Variants in SUSD4 observed in about 807,000 individuals in gnomAD.
SUSD4 encodes the protein sushi domain containing 4, also known as sushi domain-containing protein 4.
A neutral mutation model predicts 50.5 loss-of-function variants in SUSD4; 41 were observed. That is an observed-to-expected ratio of 0.81 (90% confidence interval 0.63 to 1.05). The LOEUF is 1.05. Among genes scored for constraint, SUSD4 ranks in the 50% least tolerant of loss-of-function variants. The probability of loss-of-function intolerance (pLI) is 0.00; values close to 1 mark genes in which losing one functional copy is unlikely to be tolerated. For missense variants in SUSD4, 580 were observed against 634.7 expected (o/e 0.91, Z 0.93); for synonymous variants, 257 against 257.3 (o/e 1.00, Z 0.01).
chr1:223,363,224 C>CTTTCTCCCCTCT (rs973433804), intron 2 of SUSD4, 54 bp downstream of exon 2: 3 of 1,447,830 alleles, frequency 2.1e-6, no homozygotes, highest in Non-Finnish European at 1.8e-6. Context: ...CAGCTAGGCT[C>CTTTCTCCCCTCT]TTTCTCCCCT....
chr1:223,256,225 G>T (rs905391471), intron 5 of SUSD4, among the ~76,000 whole-genome samples: 2 of 152,196 alleles, frequency 1.3e-5, no homozygotes, highest in Admixed American at 1.3e-4. Context: ...TCAATGGGTG[G>T]CTGTGCAGAT....
chr1:223,320,826 T>C (rs1323663553), intron 2 of SUSD4, among the ~76,000 whole-genome samples: 2 of 152,190 alleles, frequency 1.3e-5, no homozygotes, highest in Non-Finnish European at 2.9e-5. Context: ...AGGACCTGGC[T>C]CCACTAACAA....
At chr1:223,298,095 T>A (rs1395477299) in intron 2 of SUSD4, among the ~76,000 whole-genome samples, 2 of 151,688 alleles carry the variant, frequency 1.3e-5, no homozygotes, top group African/African-American at 4.8e-5. Flanking sequence ...GGTGAATAAG[T>A]GGATGGATGG....
chr1:223,274,179 G>A (rs1008073994), intron 3 of SUSD4, among the ~76,000 whole-genome samples: 2 of 152,172 alleles, frequency 1.3e-5, no homozygotes, highest in Non-Finnish European at 2.9e-5. Flanking sequence ...TTCCAGCACA[G>A]CTCAGAGCAC....
intron 7 of SUSD4, among the ~76,000 whole-genome samples, chr1:223,226,110 T>C (rs1001383764): frequency 1.3e-5 from 2 of 152,226 alleles, no homozygotes; most frequent in East Asian, 3.8e-4. Context: ...AATAGCTCTG[T>C]GGGCTCTTTT....
chr1:223,319,976 C>T (rs1467868293), intron 2 of SUSD4, among the ~76,000 whole-genome samples: 1 of 152,136 alleles, frequency 6.6e-6, no homozygotes, highest in African/African-American at 2.4e-5. Flanking sequence ...TACTTTCCTC[C>T]TATGACTCCA....
At position 223,223,342 on chromosome 1, in the gene SUSD4, C is replaced by T; in HGVS notation, c.1351G>A (p.Glu451Lys). ...QSLYSPPRCQ[E>K]STHPASDNPD... ...TTGTCCGAAGCAGGGTGGGTGCTCTCTTGGCACCTGGGAGGTGAATACAGA... is the reference window on the plus strand; with the variant it reads ...TTGTCCGAAGCAGGGTGGGTGCTCTTTTGGCACCTGGGAGGTGAATACAGA... Residue 451 changes from glutamate (E) to lysine (K), a missense_variant, in exon 8 of 9, where the codon GAG becomes AAG. Glu to Lys is a moderately conservative substitution (Grantham distance 56). Transcript: ENST00000366878. 1 of 1,612,190 alleles carries T rather than the reference C, an allele frequency of 6.2e-7. No individual in the cohort carries two copies. The highest frequency in any genetic ancestry group is 1.3e-5 in the African/African-American group (1 of 75,050).
chr1:223,355,063 C>A (rs1668581945), intron 2 of SUSD4, among the ~76,000 whole-genome samples: 1 of 151,648 alleles, frequency 6.6e-6, no homozygotes, highest in Non-Finnish European at 1.5e-5. Flanking sequence ...CAGACACGTG[C>A]CACCACACCC....
chr1:223,292,212 A>G (rs997512284), intron 3 of SUSD4, among the ~76,000 whole-genome samples: 1 of 152,248 alleles, frequency 6.6e-6, no homozygotes, highest in Non-Finnish European at 1.5e-5. Flanking sequence ...GTGATAAATT[A>G]GATTGTAATT....
chr1:223,364,123 T>A lies in SUSD4; in HGVS notation c.-102A>T, dbSNP rs2102614460. Reference sequence around the variant, plus strand: ...CCTCCCCCCGCCAGTCTAACCCGCATCTGTGCGCGACCTCTGCTGCCGCCG... The same window carrying A: ...CCTCCCCCCGCCAGTCTAACCCGCAACTGTGCGCGACCTCTGCTGCCGCCG... On this transcript the variant is annotated 5_prime_UTR_variant, in exon 1 of 9. An upstream start codon of the reference 5' UTR is lost. Coordinates refer to ENST00000366878, the MANE Select transcript of SUSD4 (RefSeq NM_017982.4). The surrounding 1 kb of genome is among the most constrained non-coding windows in gnomAD (Gnocchi z 4.5). 2 of 152,404 alleles carry A rather than the reference T, an allele frequency of 1.3e-5. No individual in the cohort carries two copies. Among genetic ancestry groups the A allele is most frequent in the Middle Eastern group, 3.4e-3 (1 of 294 alleles). 9.4% of individuals were successfully genotyped at this position (152,404 alleles called of 1,614,324 possible).
chr1:223,262,008 T>TAG (rs1476846600), intron 5 of SUSD4, among the ~76,000 whole-genome samples: 10 of 152,172 alleles, frequency 6.6e-5, no homozygotes, highest in Non-Finnish European at 1.3e-4. Context: ...TGCCAGGATG[T>TAG]GAAGCCAGTC....
intron 2 of SUSD4, among the ~76,000 whole-genome samples, chr1:223,323,949 C>G (rs1213263310): frequency 6.6e-6 from 1 of 151,912 alleles, no homozygotes; most frequent in East Asian, 1.9e-4. Flanking sequence ...TTAACTGAAG[C>G]AGCTAATTTA....
intron 7 of SUSD4, among the ~76,000 whole-genome samples, chr1:223,224,862 C>CTTTTTTTTTTTTTTTTTTTTTTTTT: frequency 1.7e-5 from 1 of 59,234 alleles, no homozygotes; most frequent in African/African-American, 7.2e-5. Flanking sequence ...TGGTTTCTTC[C>CTTTTTTTTTTTTTTTTTTTTTTTTT]TTTTTTTTTT....
intron 5 of SUSD4, chr1:223,263,810 A>G: frequency 1.0e-6 from 1 of 985,392 alleles, no homozygotes; most frequent in South Asian, 4.7e-5. Flanking sequence ...TCCATATTCC[A>G]TTGTTTTGCT....
chr1:223,289,215 C>T (rs1664329482), intron 3 of SUSD4: 1 of 985,268 alleles, frequency 1.0e-6, no homozygotes, highest in Non-Finnish European at 1.2e-6. Context: ...TCCTCTGTTC[C>T]CTGGGCCATA....
intron 3 of SUSD4, among the ~76,000 whole-genome samples, chr1:223,285,552 A>G (rs1195230741): frequency 6.6e-6 from 1 of 152,208 alleles, no homozygotes; most frequent in South Asian, 2.1e-4. Flanking sequence ...AAGAGTACCC[A>G]TGTGCTTTCC....
chr1:223,356,887 G>A (rs1668698792), intron 2 of SUSD4, among the ~76,000 whole-genome samples: 1 of 152,328 alleles, frequency 6.6e-6, no homozygotes, highest in African/African-American at 2.4e-5. Context: ...GAAAATTAAA[G>A]GTGGCGATAC....
At chr1:223,319,307 A>G (rs1379343913) in intron 2 of SUSD4, among the ~76,000 whole-genome samples, 1 of 137,260 alleles carries the variant, frequency 7.3e-6, no homozygotes, top group African/African-American at 2.8e-5. Flanking sequence ...GACAAATGGG[A>G]TCTAATTAAA....
intron 5 of SUSD4, among the ~76,000 whole-genome samples, chr1:223,250,657 A>T (rs1489697207): frequency 1.3e-5 from 2 of 152,208 alleles, no homozygotes; most frequent in Non-Finnish European, 2.9e-5. Context: ...CGATTTCATT[A>T]TCTGCTAAGA....
Sources: gnomAD v4.1 joint callset for allele counts (sites outside exome capture counted in the v4.1 genomes callset) on GRCh38, gnomAD v4.1.1 for gene constraint, Gnocchi (gnomAD v3.1) non-coding constraint, MANE v1.5 for transcripts, NCBI Gene and HGNC (gene_info 2026-07-23, HGNC 2026-07-21) for gene names.